The following FRMPD4 variants were observed in gnomAD, a reference collection of about 807,000 sequenced individuals.
FRMPD4 encodes the protein FERM and PDZ domain containing 4.
Under a neutral mutation model 94.1 loss-of-function variants are expected in FRMPD4, and 22 were observed. That is an observed-to-expected ratio of 0.23 (90% CI 0.17 to 0.33). FRMPD4 has a LOEUF of 0.33. Among genes scored for constraint, FRMPD4 ranks in the 10% least tolerant of loss-of-function variants. The pLI is 1.00. For missense variants in FRMPD4, 1,111 were observed against 1,339.9 expected, an observed-to-expected ratio of 0.83 and a Z score of 2.67; for synonymous variants, 631 against 548.6, an observed-to-expected ratio of 1.15 and a Z score of -2.10.
chrX:12,200,922 G>A (rs1357414588), intron 1 of FRMPD4, among the ~76,000 whole-genome samples: 1 of 112,199 alleles, frequency 8.9e-6, no homozygotes, highest in Non-Finnish European at 1.9e-5. Flanking sequence ...TTCCACAGTG[G>A]GAAAGGGAGT....
intron 1 of FRMPD4, among the ~76,000 whole-genome samples, chrX:11,849,379 C>G (rs753931776): frequency 1.8e-5 from 2 of 111,661 alleles, no homozygotes; most frequent in Non-Finnish European, 3.8e-5. Context: ...CAAGCCCTAT[C>G]AAAATCCCAA....
intron 2 of FRMPD4, among the ~76,000 whole-genome samples, chrX:12,537,193 T>A (rs1223487234): frequency 9.0e-6 from 1 of 111,656 alleles, no homozygotes; most frequent in Non-Finnish European, 1.9e-5. Flanking sequence ...AAAGCAGCTT[T>A]ATTCACAGAA....
intron 1 of FRMPD4, among the ~76,000 whole-genome samples, chrX:12,294,328 A>T (rs764346360): frequency 1.8e-5 from 2 of 111,811 alleles, no homozygotes; most frequent in African/African-American, 6.5e-5. Flanking sequence ...CCAAACAGGG[A>T]CATAGATATT....
intron 1 of FRMPD4, among the ~76,000 whole-genome samples, chrX:11,849,373 C>A (rs1362877399): frequency 9.0e-6 from 1 of 111,454 alleles, no homozygotes; most frequent in African/African-American, 3.3e-5. Context: ...TTAATCCAAG[C>A]CCTATCAAAA....
intron 1 of FRMPD4, among the ~76,000 whole-genome samples, chrX:12,427,877 T>C (rs1313965617): frequency 9.3e-6 from 1 of 107,717 alleles, no homozygotes. Context: ...ATAAGGATGT[T>C]AATCATTTTC....
In FRMPD4 at chrX:12,017,369, C is replaced by T. The variant is rs746449691; in HGVS notation, c.95+139351C>T. ...TGCCCATGGCTGTGTTTATAACATC[C>T]TCTCTCAGCAAGTCAGGAACTGGTT... On this transcript the variant is annotated intron_variant, in intron 3 of 18. Coordinates refer to the FRMPD4 transcript ENST00000640291. Among the ~76,000 whole-genome samples, 29 of 112,737 alleles carry T rather than the reference C, an allele frequency of 2.6e-4. 1 individual carries two copies. The highest frequency in any genetic ancestry group is 9.3e-4 in the African/African-American group (29 of 31,073).
chrX:12,309,968 C>A (rs374832131), intron 1 of FRMPD4, among the ~76,000 whole-genome samples: 2 of 112,227 alleles, frequency 1.8e-5, no homozygotes, highest in East Asian at 5.6e-4. Context: ...GGATTCTACT[C>A]ATTTGTGTTC....
At chrX:12,356,571 T>A (rs1197403193) in intron 1 of FRMPD4, among the ~76,000 whole-genome samples, 1 of 111,710 alleles carries the variant, frequency 9.0e-6, no homozygotes. Context: ...GGGAGCAATC[T>A]CTTTTTGTCA....
intron 2 of FRMPD4, among the ~76,000 whole-genome samples, chrX:11,874,586 C>T (rs1048251658): frequency 6.2e-5 from 7 of 112,173 alleles, no homozygotes; most frequent in African/African-American, 2.3e-4. Context: ...TGGGCATCCT[C>T]GAATTTTGGT....
At chrX:12,237,039 G>C (rs1171834279) in intron 1 of FRMPD4, among the ~76,000 whole-genome samples, 1 of 111,843 alleles carries the variant, frequency 8.9e-6, no homozygotes, top group African/African-American at 3.3e-5. Flanking sequence ...TGTCAATACT[G>C]CTGAAGTTGA....
intron 1 of FRMPD4, among the ~76,000 whole-genome samples, chrX:12,430,191 G>A (rs753466218): frequency 9.8e-5 from 11 of 112,330 alleles, no homozygotes; most frequent in Admixed American, 2.8e-4. Flanking sequence ...GTTCTTATAT[G>A]ATCTTGTTTA....
intron 1 of FRMPD4, among the ~76,000 whole-genome samples, chrX:12,418,350 C>CTTTTTTTTTT (rs540740432): frequency 7.4e-5 from 6 of 81,074 alleles, no homozygotes; most frequent in South Asian, 7.3e-4. Flanking sequence ...GTGTTTCTTT[C>CTTTTTTTTTT]TTTTTTTTTT....
intron 5 of FRMPD4, among the ~76,000 whole-genome samples, chrX:12,677,196 G>A (rs1161725630): frequency 1.8e-5 from 2 of 110,236 alleles, no homozygotes; most frequent in African/African-American, 6.6e-5. Context: ...CCCAAGTTGT[G>A]ACAAACCAAA....
intron 1 of FRMPD4, among the ~76,000 whole-genome samples, chrX:12,299,819 G>A (rs750716585): frequency 7.1e-5 from 8 of 112,130 alleles, no homozygotes; most frequent in Non-Finnish European, 1.3e-4. Flanking sequence ...ATAAAATACC[G>A]TGGGAACACA....
At chrX:12,579,820 CT>C (rs1368282741) in intron 2 of FRMPD4, among the ~76,000 whole-genome samples, 2 of 111,347 alleles carry the variant, frequency 1.8e-5, no homozygotes, top group African/African-American at 6.5e-5. Flanking sequence ...AAAAGACTTT[CT>C]TGTCACAGCT....
intron 1 of FRMPD4, among the ~76,000 whole-genome samples, chrX:12,459,570 G>C (rs750407781): frequency 1.4e-4 from 16 of 111,123 alleles, no homozygotes; most frequent in Non-Finnish European, 2.8e-4. Flanking sequence ...TTTTGTGTTT[G>C]ACTTACTCCA....
chrX:12,004,267 A>G (rs1409466449), intron 3 of FRMPD4, among the ~76,000 whole-genome samples: 1 of 112,123 alleles, frequency 8.9e-6, no homozygotes, highest in African/African-American at 3.2e-5. Flanking sequence ...ACTACTGCCA[A>G]ACCAAAGCCA....
chrX:11,845,012 T>A (rs1435389175), intron 1 of FRMPD4, among the ~76,000 whole-genome samples: 1 of 112,413 alleles, frequency 8.9e-6, no homozygotes, highest in Non-Finnish European at 1.9e-5. Flanking sequence ...TCTGTTTAAT[T>A]TCTTACACTT....
intron 1 of FRMPD4, among the ~76,000 whole-genome samples, chrX:12,237,170 AAAT>A (rs2147787081): frequency 8.9e-6 from 1 of 112,666 alleles, no homozygotes; most frequent in Non-Finnish European, 1.9e-5. Flanking sequence ...ATTGAATAAA[AAAT>A]AATGTTGAAT....
Sources: gnomAD v4.1 joint callset for allele counts (sites outside exome capture counted in the v4.1 genomes callset) on GRCh38, gnomAD v4.1.1 for gene constraint, MANE v1.5 for transcripts, NCBI Gene and HGNC (gene_info 2026-07-23, HGNC 2026-07-21) for gene names.